CFAP54: variants seen among roughly 807,000 people sequenced by gnomAD.
The protein encoded by CFAP54 is cilia- and flagella-associated protein 54.
CFAP54 carries 290 observed loss-of-function variants against 370.4 expected under a neutral mutation model. The ratio of observed to expected loss-of-function variants is 0.78; its 90% CI spans 0.71 to 0.86. CFAP54 has a LOEUF of 0.86. CFAP54 is among the 40% of genes least tolerant of loss of function. CFAP54 has a pLI of 0.00. For synonymous variants in CFAP54, 1,206 were observed against 1,236.5 expected (o/e 0.98, Z 0.52); for missense variants, 3,399 against 3,528.7 (o/e 0.96, Z 0.93).
chr12:96,856,496 C>G (rs1295900656), intron 66 of CFAP54, among the ~76,000 whole-genome samples: 1 of 152,210 alleles, frequency 6.6e-6, no homozygotes, highest in Non-Finnish European at 1.5e-5. Flanking sequence ...CAGAGTTCCA[C>G]AGATCTCTAG....
chr12:96,641,783 A>G (rs1446972049), intron 32 of CFAP54, among the ~76,000 whole-genome samples: 2 of 152,220 alleles, frequency 1.3e-5, no homozygotes, highest in Non-Finnish European at 2.9e-5. Context: ...TCGTAGGGAC[A>G]TGGATGAAGC....
rs538246109 is a variant in CFAP54, at chr12:96,568,310, T to C, written c.2619+3545T>C. ...TTTTAATTCCAGAAAAAATTATGAG[T>C]ATAATGTCCTATTAGGATAGACTCT... is the stretch of plus-strand genomic sequence containing the variant. On this transcript the variant is annotated intron_variant, in intron 19 of 67. Coordinates refer to ENST00000524981, the MANE Select transcript of CFAP54 (RefSeq NM_001306084.2). Among the ~76,000 whole-genome samples, 8 of 152,226 alleles carry C rather than the reference T, an allele frequency of 5.3e-5. No individual in the cohort carries two copies. In the East Asian group the frequency reaches 1.5e-3, roughly 29 times the overall value.
In CFAP54 at chr12:96,708,063, G is replaced by A. The variant is rs148166234; in HGVS notation, c.6529-545G>A. Among the ~76,000 whole-genome samples the A allele has an allele frequency of 4.8e-4, 73 of 152,198 alleles. 1 individual carries two copies. In the East Asian group the frequency reaches 0.013, roughly 27 times the overall value. Reference sequence around the variant, plus strand: ...CACCCCAGGGATGCAGACCATAAGAGGGCTCAGAGTTGGATTTCAGAGTTA... The same window carrying A: ...CACCCCAGGGATGCAGACCATAAGAAGGCTCAGAGTTGGATTTCAGAGTTA... On this transcript the variant is annotated intron_variant, in intron 47 of 67. Transcript: ENST00000524981.
intron 19 of CFAP54, chr12:96,572,979 C>T (rs1955938259): frequency 1.0e-6 from 1 of 985,374 alleles, no homozygotes. Context: ...TTCACTGAAT[C>T]AGGAACTACC....
intron 19 of CFAP54, among the ~76,000 whole-genome samples, chr12:96,575,296 A>G (rs770515680): frequency 2.6e-5 from 4 of 152,138 alleles, no homozygotes; most frequent in Non-Finnish European, 5.9e-5. Flanking sequence ...CTTTTATCAG[A>G]TACATGATTT....
chr12:96,671,841 G>A (rs967956764), intron 39 of CFAP54, among the ~76,000 whole-genome samples: 1 of 152,132 alleles, frequency 6.6e-6, no homozygotes, highest in African/African-American at 2.4e-5. Context: ...AGAATCACTT[G>A]AACCCAGGAG....
Position 96,742,444 on chromosome 12 carries a change from T to C in CFAP54, c.7077T>C (p.Thr2359=). The change falls in exon 52 of 68, where the codon ACT becomes ACC. Residue 2359 remains threonine (T), a synonymous_variant. Coordinates refer to ENST00000524981, the MANE Select transcript of CFAP54 (RefSeq NM_001306084.2). Reference sequence around the variant, plus strand: ...ATCATTTTAATATTGTTTAGGTCACTGAAAATAAAGATGACAGTGAGTTTT... The same window carrying C: ...ATCATTTTAATATTGTTTAGGTCACCGAAAATAAAGATGACAGTGAGTTTT... ...ENPVSPGTSV[T]ENKDDSEFLD... is the part of the protein sequence containing the mutation. 1 of 1,569,954 alleles carries C rather than the reference T, an allele frequency of 6.4e-7. No homozygotes were observed.
intron 32 of CFAP54, among the ~76,000 whole-genome samples, chr12:96,633,012 T>C (rs1328490784): frequency 6.6e-6 from 1 of 152,140 alleles, no homozygotes; most frequent in Non-Finnish European, 1.5e-5. Flanking sequence ...TAAAATTACA[T>C]TTTTGAATTT....
intron 60 of CFAP54, among the ~76,000 whole-genome samples, chr12:96,781,382 G>A (rs910810964): frequency 6.6e-6 from 1 of 152,086 alleles, no homozygotes; most frequent in African/African-American, 2.4e-5. Context: ...TTTGACCTTT[G>A]TGCTGAGAAT....
At chr12:96,592,059 A>G (rs1368089316) in intron 23 of CFAP54, among the ~76,000 whole-genome samples, 2 of 152,088 alleles carry the variant, frequency 1.3e-5, no homozygotes, top group Non-Finnish European at 2.9e-5. Context: ...CATTTGATTC[A>G]TCTTTATACC....
At chr12:96,713,041 A>T (rs1040282895) in intron 48 of CFAP54, among the ~76,000 whole-genome samples, 1 of 152,214 alleles carries the variant, frequency 6.6e-6, no homozygotes, top group South Asian at 2.1e-4. Context: ...AAAACAGCAG[A>T]TGCTGGTGAG....
chr12:96,747,463 G>A (rs1489351084), intron 55 of CFAP54, among the ~76,000 whole-genome samples: 1 of 152,096 alleles, frequency 6.6e-6, no homozygotes, highest in East Asian at 1.9e-4. Context: ...AATATGTTTT[G>A]GTCAAGGTAC....
intron 62 of CFAP54, among the ~76,000 whole-genome samples, chr12:96,789,546 G>A (rs1397527578): frequency 2.6e-5 from 4 of 152,190 alleles, no homozygotes; most frequent in Non-Finnish European, 5.9e-5. Flanking sequence ...TGAATATTAT[G>A]TAAGAGTTTG....
At chr12:96,850,046 C>T (rs1959492705) in intron 66 of CFAP54, among the ~76,000 whole-genome samples, 1 of 151,978 alleles carries the variant, frequency 6.6e-6, no homozygotes, top group African/African-American at 2.4e-5. Context: ...GCCCTAGAGT[C>T]GTCTGTAAAA....
intron 14 of CFAP54, among the ~76,000 whole-genome samples, chr12:96,545,440 C>A (rs907110549): frequency 6.6e-5 from 10 of 151,738 alleles, no homozygotes; most frequent in African/African-American, 2.4e-4. Context: ...AAAACAGGGC[C>A]AGTAAGTAAA....
intron 50 of CFAP54, among the ~76,000 whole-genome samples, chr12:96,721,013 C>G (rs1267453277): frequency 2.0e-5 from 3 of 149,444 alleles, no homozygotes; most frequent in Non-Finnish European, 4.4e-5. Context: ...GAGCAAGACT[C>G]TGTCTCAAAA....
intron 26 of CFAP54, among the ~76,000 whole-genome samples, chr12:96,599,642 T>C (rs1357381200): frequency 6.6e-6 from 1 of 152,092 alleles, no homozygotes; most frequent in Non-Finnish European, 1.5e-5. Context: ...AAAAACGTTG[T>C]ATTTCTCCAC....
At chr12:96,512,404 A>C (rs1034943316) in intron 4 of CFAP54, among the ~76,000 whole-genome samples, 1 of 133,362 alleles carries the variant, frequency 7.5e-6, no homozygotes, top group Admixed American at 7.8e-5. Flanking sequence ...GTGCAGTGGC[A>C]TGATCTCGGC....
intron 60 of CFAP54, 113 bp downstream of exon 60, chr12:96,765,331 T>TG (rs1399844393): frequency 2.0e-6 from 2 of 1,000,704 alleles, no homozygotes; most frequent in Admixed American, 2.8e-5. Context: ...GGATAATGTT[T>TG]GGGGGCACTT....
Sources: allele counts gnomAD v4.1 joint callset (sites outside exome capture counted in the v4.1 genomes callset), GRCh38; gene constraint gnomAD v4.1.1; transcripts MANE v1.5; gene names NCBI Gene and HGNC (gene_info 2026-07-23, HGNC 2026-07-21).